Variants in ADARB2 observed in about 807,000 individuals in gnomAD.
ADARB2 encodes the protein inactive double-stranded RNA-specific editase B2.
A neutral mutation model predicts 62.2 loss-of-function variants in ADARB2; 25 were observed. That is an observed-to-expected ratio of 0.40 (90% CI 0.29 to 0.56). The LOEUF is 0.56. Among genes scored for constraint, ADARB2 ranks in the 20% least tolerant of loss-of-function variants. The pLI is 0.43. For synonymous variants in ADARB2, 572 were observed against 500.8 expected (o/e 1.14, Z -1.90); for missense variants, 1,071 against 1,077.4 (o/e 0.99, Z 0.08).
At chr10:1,266,080 C>T (rs1291145801) in intron 4 of ADARB2, among the ~76,000 whole-genome samples, 2 of 148,252 alleles carry the variant, frequency 1.3e-5, no homozygotes, top group African/African-American at 2.5e-5. Context: ...CGGAAGACGG[C>T]CTGAGAGGGG....
intron 1 of ADARB2, among the ~76,000 whole-genome samples, chr10:1,698,948 A>G (rs1834784063): frequency 6.6e-6 from 1 of 152,110 alleles, no homozygotes; most frequent in Non-Finnish European, 1.5e-5. Flanking sequence ...TTTAGTAGAG[A>G]TTGGGTTTCG....
At chr10:1,717,489 C>T (rs1358786410) in intron 1 of ADARB2, among the ~76,000 whole-genome samples, 1 of 151,474 alleles carries the variant, frequency 6.6e-6, no homozygotes, top group Non-Finnish European at 1.5e-5. Context: ...TTTCTTTCTT[C>T]CTTCCTTTCC....
chr10:1,298,720 ATTTTTTTTTTTTTTTT>A (rs75978268), intron 3 of ADARB2, among the ~76,000 whole-genome samples: 39 of 110,760 alleles, frequency 3.5e-4, no homozygotes, highest in African/African-American at 1.5e-3. Context: ...TGCGACGGGA[ATTTTTTTTTTTTTTTT>A]TTTTTTTTTT....
chr10:1,506,871 G>A (rs906432389), intron 1 of ADARB2, among the ~76,000 whole-genome samples: 8 of 152,312 alleles, frequency 5.3e-5, no homozygotes, highest in African/African-American at 1.7e-4. Flanking sequence ...AAGGAAAAAC[G>A]TGAGGGCCCT....
At chr10:1,480,509 T>C (rs998296994) in intron 1 of ADARB2, among the ~76,000 whole-genome samples, 10 of 152,096 alleles carry the variant, frequency 6.6e-5, no homozygotes, top group Admixed American at 2.6e-4. Flanking sequence ...CCATCCTGGC[T>C]AACATGGTGA....
At chr10:1,396,482 C>T (rs887025917) in intron 1 of ADARB2, among the ~76,000 whole-genome samples, 1 of 152,136 alleles carries the variant, frequency 6.6e-6, no homozygotes, top group Non-Finnish European at 1.5e-5. Flanking sequence ...GTCCCAGGAT[C>T]GAAGAATCCG....
chr10:1,703,233 G>A (rs1281838968), intron 1 of ADARB2, among the ~76,000 whole-genome samples: 1 of 152,164 alleles, frequency 6.6e-6, no homozygotes, highest in African/African-American at 2.4e-5. Context: ...GAGGGCATGG[G>A]CATAAATAGC....
At chr10:1,253,621 C>T (rs372007303) in intron 4 of ADARB2, among the ~76,000 whole-genome samples, 2 of 152,196 alleles carry the variant, frequency 1.3e-5, no homozygotes, top group Non-Finnish European at 2.9e-5. Context: ...AGCACATGCT[C>T]ACAGGCAGGG....
chr10:1,539,745 A>G (rs1229806270), intron 1 of ADARB2, among the ~76,000 whole-genome samples: 1 of 152,284 alleles, frequency 6.6e-6, no homozygotes, highest in Non-Finnish European at 1.5e-5. Context: ...TGTCAAAATG[A>G]GCCACACATA....
intron 1 of ADARB2, among the ~76,000 whole-genome samples, chr10:1,585,861 C>G (rs571212351): frequency 6.6e-6 from 1 of 152,174 alleles, no homozygotes; most frequent in Non-Finnish European, 1.5e-5. Context: ...GGTGAAACCC[C>G]GTCTCTACTA....
At chr10:1,431,387 T>G (rs751884002) in intron 1 of ADARB2, among the ~76,000 whole-genome samples, 1 of 151,868 alleles carries the variant, frequency 6.6e-6, no homozygotes, top group Non-Finnish European at 1.5e-5. Context: ...TTGAACCAAA[T>G]GAAAATGAAA....
rs1308424418 is a variant in ADARB2 at position 1,178,816 on chromosome 10, C to G, written c.*4377G>C. ...CATGGACTAGGGGACTCTGCAGCCT[C>G]CCTGAGGGCCGCGGGAAGCCCACAG... is the stretch of plus-strand genomic sequence containing the variant. On this transcript the variant is annotated 3_prime_UTR_variant, in exon 10 of 10. Transcript: ENST00000381312. 2 of 152,164 alleles carry G rather than the reference C, an allele frequency of 1.3e-5. No individual in the cohort carries two copies. Among genetic ancestry groups the G allele is most frequent in the Non-Finnish European group, 2.9e-5 (2 of 68,046 alleles). The allele number at this position is 152,164 out of a possible 1,614,324, so 9.4% of individuals were successfully genotyped here.
intron 1 of ADARB2, among the ~76,000 whole-genome samples, chr10:1,594,314 A>AAAC (rs749975495): frequency 3.6e-4 from 55 of 152,130 alleles, no homozygotes; most frequent in African/African-American, 1.1e-3. Context: ...AAAACAAACA[A>AAAC]AACAACAACA....
In ADARB2 at chr10:1,426,736, G is replaced by A. The variant is rs545039868; in HGVS notation, c.101-47576C>T. Among the ~76,000 whole-genome samples, 3 of 152,308 alleles carry A rather than the reference G, an allele frequency of 2.0e-5. No homozygotes were observed. Among genetic ancestry groups the A allele is most frequent in the South Asian group, 2.1e-4 (1 of 4,824 alleles). On this transcript the variant is annotated intron_variant, in intron 1 of 9. Transcript: ENST00000381312. This position sits in a 1 kb window ranked among gnomAD's most constrained non-coding sequence, Gnocchi z 4.1. ...GCCCAGGGGCTGGCCCAGGAGAGGC[G>A]GCAAGGCTGTGTGCAGACACTTTGC...
chr10:1,311,897 G>C (rs1194234415), intron 3 of ADARB2, among the ~76,000 whole-genome samples: 1 of 152,146 alleles, frequency 6.6e-6, no homozygotes, highest in East Asian at 1.9e-4. Context: ...GAAAGTGGAA[G>C]GAATGATTGA....
intron 7 of ADARB2, among the ~76,000 whole-genome samples, chr10:1,204,673 G>A (rs1253447889): frequency 6.6e-6 from 1 of 152,170 alleles, no homozygotes; most frequent in Non-Finnish European, 1.5e-5. Context: ...AAAACCACAG[G>A]GCTTTCAAGC....
intron 1 of ADARB2, among the ~76,000 whole-genome samples, chr10:1,620,654 C>T (rs78490976): frequency 6.6e-6 from 1 of 152,212 alleles, no homozygotes; most frequent in East Asian, 1.9e-4. Context: ...ATAGCAAGCA[C>T]AAAAATATCA....
At chr10:1,378,245 C>T (rs1832451475) in intron 2 of ADARB2, among the ~76,000 whole-genome samples, 1 of 152,226 alleles carries the variant, frequency 6.6e-6, no homozygotes, top group African/African-American at 2.4e-5. Context: ...CTAAACCAGC[C>T]TGGTGCCATC....
intron 1 of ADARB2, among the ~76,000 whole-genome samples, chr10:1,513,005 G>A (rs1831957597): frequency 6.6e-6 from 1 of 152,230 alleles, no homozygotes; most frequent in South Asian, 2.1e-4. Flanking sequence ...CGAACGTGAA[G>A]AATGAAGACT....
Sources: allele counts gnomAD v4.1 joint callset (sites outside exome capture counted in the v4.1 genomes callset), GRCh38; gene constraint gnomAD v4.1.1; non-coding constraint Gnocchi (gnomAD v3.1); transcripts MANE v1.5; gene names NCBI Gene and HGNC (gene_info 2026-07-23, HGNC 2026-07-21).